ZNF644: variants seen among roughly 807,000 people sequenced by gnomAD.
The protein encoded by ZNF644 is zinc finger motif enhancer binding protein 2.
In ZNF644, 20 loss-of-function variants were observed where a neutral mutation model predicts 108.0. That is an observed-to-expected ratio of 0.19 (90% CI 0.13 to 0.27). ZNF644 has a LOEUF of 0.27. Ranked by LOEUF, ZNF644 falls within the 10% of genes least tolerant of loss-of-function variation. The pLI is 1.00. For synonymous variants in ZNF644, 542 were observed against 539.1 expected (o/e 1.01, Z -0.08); for missense variants, 1,338 against 1,548.9 (o/e 0.86, Z 2.29).
intron 2 of ZNF644, among the ~76,000 whole-genome samples, chr1:90,954,240 T>C (rs1206907232): frequency 6.6e-6 from 1 of 152,232 alleles, no homozygotes; most frequent in African/African-American, 2.4e-5. Context: ...GCTACTGCTT[T>C]ACTGACGTAA....
chr1:90,951,324 A>C (rs1653139600), intron 2 of ZNF644, among the ~76,000 whole-genome samples: 1 of 152,190 alleles, frequency 6.6e-6, no homozygotes, highest in African/African-American at 2.4e-5. Flanking sequence ...AATGACCTGA[A>C]AGGACCTACA....
At chr1:90,931,478 T>C (rs187123246) in intron 4 of ZNF644, among the ~76,000 whole-genome samples, 12 of 152,044 alleles carry the variant, frequency 7.9e-5, no homozygotes, top group African/African-American at 2.4e-4. Context: ...AAATAAACCC[T>C]TTGATTCTAG....
Position 90,940,879 on chromosome 1 carries a change from CT to C in ZNF644, c.474del (p.Ala159LeufsTer23), listed in dbSNP as rs1226282549. The C allele has an allele frequency of 6.2e-7, 1 of 1,613,916 alleles. No homozygotes were observed. The highest frequency in any genetic ancestry group is 2.2e-5 in the East Asian group (1 of 44,890). ...TGTGGTGTAGACAGCTGAAGATCAG[CT>C]GCTACCTTCAAAGTTGAACAAGATT... ...TTESCSTLKV[A>X]ADLQLSTPQK... is the part of the protein sequence containing the mutation. On this transcript the variant is annotated frameshift_variant, in exon 3 of 6. Transcript: ENST00000337393. LOFTEE classifies it high-confidence loss of function.
chr1:90,938,473 C>G lies in ZNF644; in HGVS notation c.2881G>C (p.Glu961Gln). The change falls in exon 3 of 6, where the codon GAG becomes CAG. Residue 961 changes from glutamate (E) to glutamine (Q), a missense_variant. By Grantham distance (29) the Glu-to-Gln change is conservative. Transcript: ENST00000337393. The surrounding 1 kb of genome is among the most constrained non-coding windows in gnomAD (Gnocchi z 4.2). Reference sequence around the variant, plus strand: ...GGGCAGTAAGGACACGATTTCTTCTCAAGAGACAAATCAGTCCAATGAAAA... The same window carrying G: ...GGGCAGTAAGGACACGATTTCTTCTGAAGAGACAAATCAGTCCAATGAAAA... ...SVFHWTDLSL[E>Q]KKSCPYCPAT... is the part of the protein sequence containing the mutation. The G allele has an allele frequency of 6.2e-7, 1 of 1,613,952 alleles. No homozygotes were observed. Among genetic ancestry groups the G allele is most frequent in the Non-Finnish European group, 8.5e-7 (1 of 1,179,928 alleles).
At position 90,937,694 on chromosome 1, in the gene ZNF644, A is replaced by C; in HGVS notation, c.3479T>G (p.Leu1160Arg). 4.3e-6 allele frequency: 7 copies of C among 1,613,896 alleles called. No individual in the cohort carries two copies. Among genetic ancestry groups the C allele is most frequent in the Non-Finnish European group, 5.1e-6 (6 of 1,179,878 alleles). ...AGACTGATTCTTTTTCCCACTGGGC[A>C]GTTCTGGTTTTGTTTCATCATATTC... Reference protein sequence around the residue: ...LNEYDETKPELPSGKKNQSLT... With the variant: ...LNEYDETKPERPSGKKNQSLT... The change falls in exon 4 of 6, where the codon CTG (leucine) becomes CGG (arginine). Residue 1160 changes from leucine to arginine, a missense_variant. By Grantham distance (102) the Leu-to-Arg change is moderately radical. Transcript: ENST00000337393.
rs185498796 is a variant in ZNF644, at chr1:90,973,781, G to A, written c.44+8529C>T. On this transcript the variant is annotated intron_variant, in intron 2 of 5. Coordinates refer to ENST00000337393, the MANE Select transcript of ZNF644 (RefSeq NM_201269.3). The stretch of plus-strand genomic sequence containing the variant: ...AATATTTAGCACTTCATTATCTTGT[G>A]ATACTTTTAAGTCATTCAATTTATA... 2.0e-5 allele frequency among the ~76,000 whole-genome samples: 3 copies of A among 152,186 alleles called. No individual in the cohort carries two copies. In the East Asian group the frequency reaches 5.8e-4, roughly 29 times the overall value.
chr1:90,939,479 T>C lies in ZNF644; in HGVS notation c.1875A>G (p.Lys625=). ...DSFGSPLGLD[K]RKNDILEEPV... Reference sequence around the variant, plus strand: ...GTTCTTCAAGGATGTCATTTTTTCTTTTATCAAGTCCAAGAGGACTACCAA... The same window carrying C: ...GTTCTTCAAGGATGTCATTTTTTCTCTTATCAAGTCCAAGAGGACTACCAA... The change falls in exon 3 of 6, where the codon AAA becomes AAG. Residue 625 remains lysine (K), a synonymous_variant. Coordinates refer to ENST00000337393, the MANE Select transcript of ZNF644 (RefSeq NM_201269.3). 6.2e-7 allele frequency: 1 copy of C among 1,613,806 alleles called. No individual in the cohort carries two copies.
At chr1:90,932,412 C>G (rs1650835073) in intron 4 of ZNF644, among the ~76,000 whole-genome samples, 1 of 152,180 alleles carries the variant, frequency 6.6e-6, no homozygotes, top group African/African-American at 2.4e-5. Context: ...TTATTCCTAT[C>G]TACTTTCCCT....
intron 4 of ZNF644, 57 bp downstream of exon 4, chr1:90,937,428 A>G (rs1651441593): frequency 6.2e-7 from 1 of 1,609,730 alleles, no homozygotes. Flanking sequence ...CCATTAAAGA[A>G]GGCATAATTG....
rs542308422 is a variant in ZNF644, at chr1:90,968,432, G to C, written c.44+13878C>G. ...AGCATTCTAATATATTTCGGTTTTG[G>C]GGGGGGAGCCTCTCATTTTAATGTG... On this transcript the variant is annotated intron_variant, in intron 2 of 5. Transcript: ENST00000337393. Among the ~76,000 whole-genome samples, 19 of 152,148 alleles carry C rather than the reference G, an allele frequency of 1.2e-4. No homozygotes were observed. The South Asian group carries it at 2.1e-3, about 17-fold the overall frequency.
At chr1:90,943,153 G>A (rs906180155) in intron 2 of ZNF644, among the ~76,000 whole-genome samples, 7 of 152,128 alleles carry the variant, frequency 4.6e-5, no homozygotes, top group African/African-American at 1.4e-4. Context: ...TAATAAAATT[G>A]TTCTTAGGCT....
Position 90,939,438 on chromosome 1 carries a change from C to A in ZNF644, c.1916G>T (p.Ser639Ile). Residue 639 changes from serine (S) to isoleucine (I), a missense_variant, in exon 3 of 6, where the codon AGC (serine) becomes ATC (isoleucine). Coordinates refer to ENST00000337393, the MANE Select transcript of ZNF644 (RefSeq NM_201269.3). ...DILEEPVDSD[S>I]TKTLTKQQST... ...CTGTTGTTTAGTTAATGTTTTAGTGCTATCACTATCTACAGGTTCTTCAAG... is the reference window on the plus strand; with the variant it reads ...CTGTTGTTTAGTTAATGTTTTAGTGATATCACTATCTACAGGTTCTTCAAG... 6.2e-7 allele frequency: 1 copy of A among 1,613,866 alleles called. No homozygotes were observed. The highest frequency in any genetic ancestry group is 1.1e-5 in the South Asian group (1 of 91,078).
rs1327673791 is a variant in ZNF644, at chr1:90,940,305, G to A, written c.1049C>T (p.Thr350Ile). The change falls in exon 3 of 6, where the codon ACT (threonine) becomes ATT (isoleucine). Residue 350 changes from threonine to isoleucine, a missense_variant. Thr to Ile is a moderately conservative substitution (Grantham distance 89). Coordinates refer to ENST00000337393, the MANE Select transcript of ZNF644 (RefSeq NM_201269.3). Reference protein sequence around the residue: ...YALSKVKPESTDEDLESVDAF... With the variant: ...YALSKVKPESIDEDLESVDAF... Reference sequence around the variant, plus strand: ...ATCCACAGATTCTAAGTCTTCATCAGTTGATTCAGGCTTCACTTTTGATAA... The same window carrying A: ...ATCCACAGATTCTAAGTCTTCATCAATTGATTCAGGCTTCACTTTTGATAA... The A allele has an allele frequency of 3.7e-6, 6 of 1,613,926 alleles. No homozygotes were observed. The highest frequency in any genetic ancestry group is 4.2e-6 in the Non-Finnish European group (5 of 1,179,926).
chr1:90,943,733 C>G (rs1203708177), intron 2 of ZNF644, among the ~76,000 whole-genome samples: 4 of 152,102 alleles, frequency 2.6e-5, no homozygotes, highest in Non-Finnish European at 5.9e-5. Context: ...AATGCATCAC[C>G]CAGCAGGAGT....
intron 2 of ZNF644, among the ~76,000 whole-genome samples, chr1:90,971,666 C>T (rs968046677): frequency 1.3e-5 from 2 of 152,116 alleles, no homozygotes; most frequent in Non-Finnish European, 2.9e-5. Flanking sequence ...GATCCATACA[C>T]CTCGGATCCC....
At position 90,972,198 on chromosome 1, in the gene ZNF644, G is replaced by A. The variant is rs1422659253; in HGVS notation, c.44+10112C>T. On this transcript the variant is annotated intron_variant, in intron 2 of 5. Coordinates refer to ENST00000337393, the MANE Select transcript of ZNF644 (RefSeq NM_201269.3). ...TGTGCAACAAAAGATACAGAGTAAA[G>A]AAAACCAATGGAATGGGAGAAAATA... 2.0e-5 allele frequency among the ~76,000 whole-genome samples: 3 copies of A among 152,240 alleles called. No individual in the cohort carries two copies. In the East Asian group the frequency reaches 5.8e-4, roughly 29 times the overall value.
At position 91,013,484 on chromosome 1, in the gene ZNF644, TAC is replaced by T. The variant is rs772232056; in HGVS notation, c.-18+8504_-18+8505del. ...ACACACACACACACACACACACACA[TAC>T]ACACACACACACACATATACACACC... On this transcript the variant is annotated intron_variant, in intron 1 of 5. Coordinates refer to ENST00000337393, the MANE Select transcript of ZNF644 (RefSeq NM_201269.3). Among the ~76,000 whole-genome samples, 59 of 104,710 alleles carry T rather than the reference TAC, an allele frequency of 5.6e-4. 1 individual carries two copies. The highest frequency in any genetic ancestry group is 4.7e-3 in the Middle Eastern group (1 of 214). 68.7% of individuals were successfully genotyped at this position (104,710 alleles called of 152,430 possible).
At chr1:90,936,816 T>G (rs960734023) in intron 4 of ZNF644, among the ~76,000 whole-genome samples, 1 of 152,212 alleles carries the variant, frequency 6.6e-6, no homozygotes, top group Non-Finnish European at 1.5e-5. Context: ...GAAAAAACTA[T>G]TGGTGCACCA....
Position 90,929,936 on chromosome 1 carries a change from G to T in ZNF644, c.3688+7549C>A, listed in dbSNP as rs12089712. On this transcript the variant is annotated intron_variant, in intron 4 of 5. Coordinates refer to ENST00000337393, the MANE Select transcript of ZNF644 (RefSeq NM_201269.3). ...TCAGAAAAGTCAAATAATTATGATGGATAAGTCATTTGTTGTAGAATAGCA... is the reference window on the plus strand; with the variant it reads ...TCAGAAAAGTCAAATAATTATGATGTATAAGTCATTTGTTGTAGAATAGCA... 3.6e-3 allele frequency among the ~76,000 whole-genome samples: 552 copies of T among 152,296 alleles called. 6 individuals carry two copies. Among genetic ancestry groups the T allele is most frequent in the African/African-American group, 0.013 (530 of 41,574 alleles).
Sources: allele counts gnomAD v4.1 joint callset (sites outside exome capture counted in the v4.1 genomes callset), GRCh38; gene constraint gnomAD v4.1.1; non-coding constraint Gnocchi (gnomAD v3.1); transcripts MANE v1.5; gene names NCBI Gene and HGNC (gene_info 2026-07-23, HGNC 2026-07-21).